Variants in CNTN4 observed in about 807,000 individuals in gnomAD.
The protein encoded by CNTN4 is contactin-4.
Under a neutral mutation model 122.5 loss-of-function variants are expected in CNTN4, and 77 were observed. The observed-to-expected ratio is 0.63, with a 90% CI of 0.52 to 0.76. The LOEUF (loss-of-function observed/expected upper bound fraction) is 0.76, where lower values mean the gene tolerates loss of function less well. Ranked by LOEUF, CNTN4 falls within the 30% of genes least tolerant of loss-of-function variation. The probability of loss-of-function intolerance (pLI) is 0.00; values close to 1 mark genes in which losing one functional copy is unlikely to be tolerated. For synonymous variants in CNTN4, 512 were observed against 447.0 expected (o/e 1.15, Z -1.83); for missense variants, 1,256 against 1,259.1 (o/e 1.00, Z 0.04).
Position 3,053,887 on chromosome 3 carries a change from C to G in CNTN4, c.2892C>G (p.Phe964Leu). 6.2e-7 allele frequency: 1 copy of G among 1,614,046 alleles called. No homozygotes were observed. The highest frequency in any genetic ancestry group is 8.5e-7 in the Non-Finnish European group (1 of 1,179,958). The stretch of plus-strand genomic sequence containing the variant: ...CATCGGTGGAGCTTTCTTTGCCTTT[C>G]GATGAAGATTATATAATAGAAATTA... ...NKTSVELSLP[F>L]DEDYIIEIKP... is the part of the protein sequence containing the mutation. The change falls in exon 24 of 25, where the codon TTC becomes TTG. Residue 964 changes from phenylalanine to leucine, a missense_variant. Physicochemically the swap from Phe to Leu is conservative, Grantham distance 22 (BLOSUM62 0). Transcript: ENST00000418658.
At position 2,395,894 on chromosome 3, in the gene CNTN4, C is replaced by T. The variant is rs563760866; in HGVS notation, c.-89+56661C>T. Among the ~76,000 whole-genome samples the T allele has an allele frequency of 1.1e-4, 17 of 152,230 alleles. No homozygotes were observed. The South Asian group carries it at 3.5e-3, about 32-fold the overall frequency. ...TCTTTAAGATTATCAAGCTGTATGG[C>T]TTATAGGTAGCTCTTGTGTTGAAGA... On this transcript the variant is annotated intron_variant, in intron 3 of 24. Transcript: ENST00000418658.
chr3:2,527,524 G>A (rs2077442210), intron 3 of CNTN4, among the ~76,000 whole-genome samples: 1 of 152,192 alleles, frequency 6.6e-6, no homozygotes, highest in Non-Finnish European at 1.5e-5. Context: ...TCTGAAACGA[G>A]AAGTGTGTTG....
At chr3:2,686,728 C>T (rs751189294) in intron 4 of CNTN4, among the ~76,000 whole-genome samples, 1 of 152,088 alleles carries the variant, frequency 6.6e-6, no homozygotes, top group Non-Finnish European at 1.5e-5. Context: ...GCTGTAGTAC[C>T]CCAACTTCTA....
At chr3:2,895,515 C>T (rs2094098513) in intron 10 of CNTN4, among the ~76,000 whole-genome samples, 1 of 152,146 alleles carries the variant, frequency 6.6e-6, no homozygotes, top group Admixed American at 6.5e-5. Context: ...TATATCTGAA[C>T]TTGAGTTTAT....
chr3:2,655,967 C>T (rs962271969), intron 4 of CNTN4, among the ~76,000 whole-genome samples: 1 of 152,104 alleles, frequency 6.6e-6, no homozygotes, highest in African/African-American at 2.4e-5. Context: ...ATACTTTCTA[C>T]CTTGGATTTC....
chr3:2,316,440 T>C (rs1347124400), intron 2 of CNTN4, among the ~76,000 whole-genome samples: 3 of 152,112 alleles, frequency 2.0e-5, no homozygotes, highest in Non-Finnish European at 4.4e-5. Flanking sequence ...TTTGAAACTT[T>C]TATTAGTCTC....
chr3:2,620,388 T>C (rs1328921483), intron 4 of CNTN4, among the ~76,000 whole-genome samples: 2 of 152,020 alleles, frequency 1.3e-5, no homozygotes, highest in African/African-American at 2.4e-5. Context: ...TAGTCCCAGC[T>C]ACATGGGAGG....
chr3:3,045,293 G>A (rs188479914), intron 23 of CNTN4, among the ~76,000 whole-genome samples: 1 of 152,296 alleles, frequency 6.6e-6, no homozygotes. Flanking sequence ...GTTTCCCCCA[G>A]CACGGAGTTT....
chr3:2,377,539 G>T (rs2045866518), intron 3 of CNTN4, among the ~76,000 whole-genome samples: 1 of 152,198 alleles, frequency 6.6e-6, no homozygotes, highest in African/African-American at 2.4e-5. Flanking sequence ...TCTTTGCACA[G>T]TATCACACTA....
At position 2,813,310 on chromosome 3, in the gene CNTN4, G is replaced by T. The variant is rs1444657553; in HGVS notation, c.359-6176G>T. ...CCTTACTGATTGCGTCTTTTAAAAG[G>T]AAGCAATAACAAAGGGAACTGGTGC... On this transcript the variant is annotated intron_variant, in intron 6 of 24. Transcript: ENST00000418658. Among the ~76,000 whole-genome samples, 3 of 152,238 alleles carry T rather than the reference G, an allele frequency of 2.0e-5. No homozygotes were observed. In the East Asian group the frequency reaches 5.8e-4, roughly 29 times the overall value.
intron 23 of CNTN4, among the ~76,000 whole-genome samples, 160 bp from the exon 24 acceptor site, chr3:3,053,647 G>A (rs78538915): frequency 0.011 from 1,713 of 152,248 alleles, 23 homozygotes; most frequent in African/African-American, 0.039. Flanking sequence ...CTGCAGTCAT[G>A]GCCCTCACTG....
intron 12 of CNTN4, among the ~76,000 whole-genome samples, chr3:2,904,441 A>G (rs369775310): frequency 1.3e-5 from 2 of 152,240 alleles, no homozygotes; most frequent in East Asian, 1.9e-4. Flanking sequence ...TAAGTTCGTT[A>G]GCACTGACTC....
intron 4 of CNTN4, among the ~76,000 whole-genome samples, chr3:2,668,669 C>T (rs1290076759): frequency 1.3e-5 from 2 of 152,094 alleles, no homozygotes; most frequent in African/African-American, 2.4e-5. Context: ...CTGTCTTGTG[C>T]CAGTTTTCAA....
At chr3:2,422,529 T>A (rs2151119097) in intron 3 of CNTN4, among the ~76,000 whole-genome samples, 1 of 152,256 alleles carries the variant, frequency 6.6e-6, no homozygotes, top group East Asian at 1.9e-4. Context: ...ATAAGCAAAG[T>A]TTTGGATCAA....
chr3:2,848,659 A>G (rs1006751715), intron 7 of CNTN4, among the ~76,000 whole-genome samples: 3 of 152,222 alleles, frequency 2.0e-5, no homozygotes, highest in African/African-American at 7.2e-5. Context: ...GGATCTCTCT[A>G]TCATCTCTTG....
intron 3 of CNTN4, among the ~76,000 whole-genome samples, chr3:2,514,468 T>G (rs2076983538): frequency 1.4e-5 from 2 of 139,470 alleles, no homozygotes; most frequent in South Asian, 4.3e-4. Context: ...TGAAACTCTG[T>G]CTTTAAAAAA....
rs116041691 is a variant in CNTN4 at position 2,745,654 on chromosome 3, G to C, written c.315G>C (p.Ser105=). 8 of 1,614,042 alleles carry C rather than the reference G, an allele frequency of 5.0e-6. No individual in the cohort carries two copies. Among genetic ancestry groups the C allele is most frequent in the Middle Eastern group, 1.6e-4 (1 of 6,062 alleles). The change falls in exon 6 of 25, where the codon TCG becomes TCC. Residue 105 remains serine (S), a synonymous_variant. Transcript: ENST00000418658. ...AGTYQCTATN[S]FGTIVSREAK... ...CGTACCAGTGCACAGCGACAAACTC[G>C]TTTGGAACAATTGTTAGCAGAGAAG...
intron 4 of CNTN4, among the ~76,000 whole-genome samples, chr3:2,600,421 A>G (rs572293190): frequency 1.2e-4 from 18 of 152,044 alleles, no homozygotes; most frequent in African/African-American, 3.9e-4. Flanking sequence ...TCATTGTTCA[A>G]TTCCCACCTA....
rs74593911 is a variant in CNTN4 at position 2,385,178 on chromosome 3, G to A, written c.-89+45945G>A. On this transcript the variant is annotated intron_variant, in intron 3 of 24. Transcript: ENST00000418658. The surrounding 1 kb of genome is among the most constrained non-coding windows in gnomAD (Gnocchi z 4.0). ...ATAATCCATAACTCATATCAACAAGGTTAATCCCAAACTCTTTTTAAAAAT... is the reference window on the plus strand; with the variant it reads ...ATAATCCATAACTCATATCAACAAGATTAATCCCAAACTCTTTTTAAAAAT... Among the ~76,000 whole-genome samples, 11,042 of 152,062 alleles carry A rather than the reference G, an allele frequency of 0.073. 497 individuals are homozygous for A. Among genetic ancestry groups the A allele is most frequent in the Non-Finnish European group, 0.097 (6,578 of 67,978 alleles).
Sources: allele counts gnomAD v4.1 joint callset (sites outside exome capture counted in the v4.1 genomes callset), GRCh38; gene constraint gnomAD v4.1.1; non-coding constraint Gnocchi (gnomAD v3.1); transcripts MANE v1.5; gene names NCBI Gene and HGNC (gene_info 2026-07-23, HGNC 2026-07-21).